MAP3K8: variants seen among roughly 807,000 people sequenced by gnomAD.
MAP3K8 encodes the protein Ewing sarcoma transformant.
Under a neutral mutation model 45.8 loss-of-function variants are expected in MAP3K8, and 22 were observed. That is an observed-to-expected ratio of 0.48 (90% CI 0.34 to 0.69). The LOEUF (loss-of-function observed/expected upper bound fraction) is 0.69, where lower values mean the gene tolerates loss of function less well. MAP3K8 is among the 30% of genes least tolerant of loss of function. The probability of loss-of-function intolerance (pLI) is 0.01; values close to 1 mark genes in which losing one functional copy is unlikely to be tolerated. For synonymous variants in MAP3K8, 223 were observed against 214.3 expected (o/e 1.04, Z -0.36); for missense variants, 419 against 585.0 (o/e 0.72, Z 2.93).
chr10:30,436,325 C>A (rs12264986), intron 1 of MAP3K8, among the ~76,000 whole-genome samples: 5,099 of 152,200 alleles, frequency 0.034, 284 homozygotes, highest in African/African-American at 0.12. Context: ...TTTTTGCAGG[C>A]GCAGTTAGCA....
intron 3 of MAP3K8, 157 bp downstream of exon 3, chr10:30,439,431 G>T: frequency 7.7e-7 from 1 of 1,302,384 alleles, no homozygotes; most frequent in South Asian, 1.9e-5. Flanking sequence ...TGTTAAAGAT[G>T]CAAAAAAAAA....
intron 1 of MAP3K8, chr10:30,434,719 G>A (rs999745340): frequency 2.0e-6 from 2 of 985,556 alleles, no homozygotes; most frequent in Non-Finnish European, 2.4e-6. Context: ...ACGCCGCCTG[G>A]ACGGCCGCAC....
rs185253262 is a variant in MAP3K8, at chr10:30,445,944, C to T, written c.337-1838C>T. Among the ~76,000 whole-genome samples, 82 of 152,308 alleles carry T rather than the reference C, an allele frequency of 5.4e-4. 1 individual carries two copies. The East Asian group carries it at 0.013, about 24-fold the overall frequency. ...CAGTTACTAGAACTATTTCTGTAGC[C>T]GTGTCCCTAATAAGAAGTCCCATGC... On this transcript the variant is annotated intron_variant, in intron 3 of 8. Coordinates refer to ENST00000263056, the MANE Select transcript of MAP3K8 (RefSeq NM_005204.4).
At chr10:30,441,624 T>C (rs1187435117) in intron 3 of MAP3K8, among the ~76,000 whole-genome samples, 3 of 152,186 alleles carry the variant, frequency 2.0e-5, no homozygotes, top group Non-Finnish European at 1.5e-5. Context: ...ATCTTAGATA[T>C]GGCCTCGCTA....
chr10:30,449,698 C>T (rs377434711), intron 4 of MAP3K8, among the ~76,000 whole-genome samples: 22 of 152,076 alleles, frequency 1.4e-4, no homozygotes, highest in African/African-American at 4.1e-4. Flanking sequence ...TTTGTAGTAA[C>T]GGGGTTTCGA....
intron 5 of MAP3K8, among the ~76,000 whole-genome samples, chr10:30,450,807 C>G (rs1021899212): frequency 1.3e-5 from 2 of 151,696 alleles, no homozygotes; most frequent in Non-Finnish European, 2.9e-5. Flanking sequence ...TTAGGCTGGG[C>G]ACGGTGGCTC....
chr10:30,452,228 G>C (rs908002224), intron 6 of MAP3K8, among the ~76,000 whole-genome samples: 1 of 152,054 alleles, frequency 6.6e-6, no homozygotes, highest in Non-Finnish European at 1.5e-5. Flanking sequence ...CCAGCACTTT[G>C]GGAGGCTGAG....
In MAP3K8 at chr10:30,439,066, A is replaced by G. The variant is rs757105191; in HGVS notation, c.128A>G (p.Glu43Gly). ...LYASEEPAVY[E>G]PSLMTMCQDS... ...GCAAGTGAAGAGCCAGCAGTTTATG[A>G]ACCCAGTCTAATGACCATGTGTCAA... The change falls in exon 3 of 9, where the codon GAA becomes GGA. Residue 43 changes from glutamate to glycine, a missense_variant. Physicochemically the swap from Glu to Gly is moderately conservative, Grantham distance 98 (BLOSUM62 -2). Transcript: ENST00000263056. 6.2e-7 allele frequency: 1 copy of G among 1,614,122 alleles called. No homozygotes were observed. Among genetic ancestry groups the G allele is most frequent in the Non-Finnish European group, 8.5e-7 (1 of 1,180,048 alleles).
At chr10:30,459,121 A>T in intron 7 of MAP3K8, 134 bp from the exon 8 acceptor site, 1 of 891,778 alleles carries the variant, frequency 1.1e-6, no homozygotes, top group Non-Finnish European at 1.7e-6. Context: ...TTGCTTGCTT[A>T]AGGGCTGAAC....
intron 3 of MAP3K8, among the ~76,000 whole-genome samples, chr10:30,439,958 T>C (rs1256277501): frequency 6.6e-6 from 1 of 152,260 alleles, no homozygotes; most frequent in Non-Finnish European, 1.5e-5. Flanking sequence ...GCTGAATTAT[T>C]TGTTCCTTTC....
At chr10:30,437,780 C>T (rs977594514) in intron 2 of MAP3K8, among the ~76,000 whole-genome samples, 1 of 152,166 alleles carries the variant, frequency 6.6e-6, no homozygotes, top group Non-Finnish European at 1.5e-5. Flanking sequence ...TGGCTTTAGC[C>T]CTGAGTGTCC....
At chr10:30,450,542 C>G in intron 5 of MAP3K8, 23 bp downstream of exon 5, 1 of 1,610,550 alleles carries the variant, frequency 6.2e-7, no homozygotes, top group Non-Finnish European at 8.5e-7. Flanking sequence ...GGACATATAC[C>G]TTTTTGGCTC....
chr10:30,438,876 A>G (rs1003139110), intron 2 of MAP3K8, 40 bp from the exon 3 acceptor site: 4 of 1,142,928 alleles, frequency 3.5e-6, no homozygotes, highest in Middle Eastern at 2.9e-4. Flanking sequence ...GAATGCAAAT[A>G]CAAATATCGT....
intron 1 of MAP3K8, among the ~76,000 whole-genome samples, chr10:30,436,652 TA>T (rs1835918547): frequency 6.7e-6 from 1 of 148,288 alleles, no homozygotes; most frequent in Non-Finnish European, 1.5e-5. Flanking sequence ...ACCCCCCAAT[TA>T]AAAAAATAAA....
chr10:30,434,617 C>A, intron 1 of MAP3K8: 1 of 985,954 alleles, frequency 1.0e-6, no homozygotes, highest in Non-Finnish European at 1.2e-6. Flanking sequence ...CCCCCTTCCT[C>A]CTCCTTCCCG....
At chr10:30,448,855 C>A (rs1349067267) in intron 4 of MAP3K8, among the ~76,000 whole-genome samples, 1 of 152,172 alleles carries the variant, frequency 6.6e-6, no homozygotes, top group Non-Finnish European at 1.5e-5. Flanking sequence ...TGCACTCACT[C>A]CACAGAGACC....
rs369972330 is a variant in MAP3K8, at chr10:30,459,550, G to A, written c.1273+49G>A. ...GCACACTTACTTCCCTTCTCTTTCT[G>A]TCCACATCAAACCTCTGATGTAGTT... On this transcript the variant is annotated intron_variant, in intron 8 of 8. Coordinates refer to ENST00000263056, the MANE Select transcript of MAP3K8 (RefSeq NM_005204.4). 5.1e-5 allele frequency: 81 copies of A among 1,603,512 alleles called. No individual in the cohort carries two copies. In the African/African-American group the frequency reaches 8.5e-4, roughly 17 times the overall value.
At chr10:30,435,111 A>C (rs1835870819) in intron 1 of MAP3K8, among the ~76,000 whole-genome samples, 1 of 152,204 alleles carries the variant, frequency 6.6e-6, no homozygotes, top group Admixed American at 6.5e-5. Flanking sequence ...TTGTCTCCAT[A>C]GTTAACAGGG....
In MAP3K8 at chr10:30,438,969, A is replaced by G; in HGVS notation, c.31A>G (p.Lys11Glu). The G allele has an allele frequency of 6.2e-7, 1 of 1,611,446 alleles. No homozygotes were observed. Among genetic ancestry groups the G allele is most frequent in the Non-Finnish European group, 8.5e-7 (1 of 1,177,912 alleles). MEYMSTGSDN[K>E]EEIDLLIKHL... is the part of the protein sequence containing the mutation. ...GTACATGAGCACTGGAAGTGACAATAAAGAAGAGATTGATTTATTAATTAA... is the reference window on the plus strand; with the variant it reads ...GTACATGAGCACTGGAAGTGACAATGAAGAAGAGATTGATTTATTAATTAA... Residue 11 changes from lysine to glutamate, a missense_variant, in exon 3 of 9, where the codon AAA (lysine) becomes GAA (glutamate). Transcript: ENST00000263056.
Sources: gnomAD v4.1 joint callset for allele counts (sites outside exome capture counted in the v4.1 genomes callset) on GRCh38, gnomAD v4.1.1 for gene constraint, MANE v1.5 for transcripts, NCBI Gene and HGNC (gene_info 2026-07-23, HGNC 2026-07-21) for gene names.